TAPT1: variants seen among roughly 807,000 people sequenced by gnomAD.
TAPT1 encodes transmembrane anterior posterior transformation 1.
TAPT1 carries 28 observed loss-of-function variants against 65.6 expected under a neutral mutation model. The ratio of observed to expected loss-of-function variants is 0.43; its 90% CI spans 0.32 to 0.59. The LOEUF (loss-of-function observed/expected upper bound fraction) is 0.59. TAPT1 is among the 20% of genes least tolerant of loss of function. TAPT1 has a pLI of 0.09. For missense variants in TAPT1, 563 were observed against 679.9 expected (o/e 0.83, Z 1.91); for synonymous variants, 278 against 245.2 (o/e 1.13, Z -1.25).
chr4:16,202,952 ATT>A (rs1750126827), intron 2 of TAPT1, among the ~76,000 whole-genome samples: 1 of 152,296 alleles, frequency 6.6e-6, no homozygotes, highest in Admixed American at 6.5e-5. Context: ...TGGAATATAT[ATT>A]GAGTTACAAT....
At chr4:16,227,001 G>A (rs779381192), upstream of TAPT1, 16 of 441,590 alleles carry the variant, frequency 3.6e-5, no homozygotes, top group East Asian at 9.1e-4. Flanking sequence ...GGCCGCGGCG[G>A]CGGGGGCCCG....
intron 11 of TAPT1, among the ~76,000 whole-genome samples, chr4:16,173,916 T>C (rs1045650183): frequency 6.6e-6 from 1 of 152,208 alleles, no homozygotes; most frequent in Admixed American, 6.5e-5. Context: ...GATATTTCCA[T>C]TAAAAAATGT....
upstream of TAPT1, chr4:16,227,148 C>A (rs766604315): frequency 4.4e-6 from 2 of 455,786 alleles, no homozygotes; most frequent in Admixed American, 4.7e-5. Context: ...AGCATTTGGG[C>A]AAGAAGGAGC....
chr4:16,188,670 C>T (rs1749167868), intron 4 of TAPT1, among the ~76,000 whole-genome samples: 2 of 149,660 alleles, frequency 1.3e-5, no homozygotes, highest in South Asian at 2.1e-4. Flanking sequence ...CCTGTAATCC[C>T]AGCACTTTGG....
intron 3 of TAPT1, among the ~76,000 whole-genome samples, chr4:16,199,391 T>C (rs1749903626): frequency 6.6e-6 from 1 of 152,300 alleles, no homozygotes; most frequent in East Asian, 1.9e-4. Flanking sequence ...TATTTTCAAA[T>C]GATACTCAAA....
intron 3 of TAPT1, chr4:16,196,668 C>G: frequency 7.8e-7 from 1 of 1,288,278 alleles, no homozygotes; most frequent in South Asian, 1.2e-5. Flanking sequence ...CACAAGGAGT[C>G]CCTGTGCCAC....
intron 3 of TAPT1, among the ~76,000 whole-genome samples, chr4:16,193,460 C>G (rs1011765352): frequency 7.2e-5 from 11 of 152,090 alleles, no homozygotes; most frequent in African/African-American, 2.7e-4. Flanking sequence ...AAAGAGAGAC[C>G]TTTTTCTCCT....
At chr4:16,170,102 T>C (rs1211691357) in intron 12 of TAPT1, among the ~76,000 whole-genome samples, 4 of 152,266 alleles carry the variant, frequency 2.6e-5, no homozygotes, top group African/African-American at 9.6e-5. Flanking sequence ...ATCATCATTT[T>C]ACATTGTTAT....
At chr4:16,163,855 CTG>C (rs1747413148) in intron 13 of TAPT1, among the ~76,000 whole-genome samples, 3 of 152,286 alleles carry the variant, frequency 2.0e-5, no homozygotes, top group South Asian at 4.1e-4. Context: ...CCTAACATGA[CTG>C]TTGGCAGTCC....
intron 11 of TAPT1, among the ~76,000 whole-genome samples, chr4:16,171,578 A>G (rs1325021819): frequency 6.6e-6 from 1 of 152,194 alleles, no homozygotes; most frequent in Non-Finnish European, 1.5e-5. Context: ...ATTTAAAAAG[A>G]CATTTAAAAA....
chr4:16,189,766 C>A (rs1749249008), intron 4 of TAPT1, among the ~76,000 whole-genome samples: 2 of 152,176 alleles, frequency 1.3e-5, no homozygotes, highest in African/African-American at 4.8e-5. Flanking sequence ...GTCAGCAATT[C>A]ATGGATCCTT....
At chr4:16,174,073 T>C in intron 11 of TAPT1, 131 bp downstream of exon 11, 1 of 755,338 alleles carries the variant, frequency 1.3e-6, no homozygotes, top group Non-Finnish European at 2.1e-6. Context: ...AAAACAAAAT[T>C]TTCTTCCAAG....
chr4:16,214,521 T>C (rs1010419370), intron 1 of TAPT1: 1 of 152,244 alleles, frequency 6.6e-6, no homozygotes, highest in Non-Finnish European at 1.5e-5. Context: ...CCCGTGTTTT[T>C]CCTCTGTTCC....
chr4:16,191,624 A>G, intron 3 of TAPT1, 101 bp from the exon 4 acceptor site: 1 of 1,220,018 alleles, frequency 8.2e-7, no homozygotes, highest in Non-Finnish European at 1.1e-6. Context: ...AAAGGTAAAA[A>G]TAAGAATTAT....
At chr4:16,220,747 C>CA (rs1265447676) in intron 1 of TAPT1, among the ~76,000 whole-genome samples, 4,005 of 102,348 alleles carry the variant, frequency 0.039, 147 homozygotes, top group African/African-American at 0.12. Flanking sequence ...GACTCTATCT[C>CA]AAAAAAAAAA....
rs1381489288 is a variant in TAPT1, at chr4:16,162,991, C to G, written c.*317G>C. ...GAGGCAAATTCAACATTCTGGAAGC[C>G]CAGACTGACAAAGCAAAACAGATTT... On this transcript the variant is annotated 3_prime_UTR_variant, in exon 14 of 14. Coordinates refer to ENST00000405303, the MANE Select transcript of TAPT1 (RefSeq NM_153365.3). The G allele has an allele frequency of 2.1e-6, 1 of 484,536 alleles. No homozygotes were observed. Among genetic ancestry groups the G allele is most frequent in the Non-Finnish European group, 4.1e-6 (1 of 245,840 alleles). The allele number at this position is 484,536 out of a possible 1,614,324, so 30.0% of individuals were successfully genotyped here.
At chr4:16,222,300 C>T (rs973519880) in intron 1 of TAPT1, among the ~76,000 whole-genome samples, 4 of 152,116 alleles carry the variant, frequency 2.6e-5, no homozygotes, top group African/African-American at 9.7e-5. Context: ...TTTCATTGTT[C>T]GTTTGGTCTA....
Position 16,163,262 on chromosome 4 carries a change from C to T in TAPT1, c.*46G>A. On this transcript the variant is annotated 3_prime_UTR_variant, in exon 14 of 14. Transcript: ENST00000405303. ...ATCTATTTGTCCTGGCAACACAGCA[C>T]TTGTTGCCCCAGGACCCAGCTTCTT... is the stretch of plus-strand genomic sequence containing the variant. The T allele has an allele frequency of 7.2e-7, 1 of 1,398,360 alleles. No individual in the cohort carries two copies. The highest frequency in any genetic ancestry group is 1.0e-6 in the Non-Finnish European group (1 of 984,288). The allele number at this position is 1,398,360 out of a possible 1,614,324, so 86.6% of individuals were successfully genotyped here.
intron 3 of TAPT1, among the ~76,000 whole-genome samples, chr4:16,195,574 G>C (rs754729285): frequency 1.3e-5 from 2 of 152,152 alleles, no homozygotes; most frequent in African/African-American, 2.4e-5. Context: ...AAAATTTCTA[G>C]TAAAACCACC....
Sources: allele counts gnomAD v4.1 joint callset (sites outside exome capture counted in the v4.1 genomes callset), GRCh38; gene constraint gnomAD v4.1.1; transcripts MANE v1.5; gene names NCBI Gene and HGNC (gene_info 2026-07-23, HGNC 2026-07-21).